The following IQCM variants were observed in gnomAD, a reference collection of about 807,000 sequenced individuals.
IQCM encodes the protein IQ domain-containing protein M.
Under a neutral mutation model 57.6 loss-of-function variants are expected in IQCM, and 45 were observed. The observed-to-expected ratio is 0.78, with a 90% CI of 0.62 to 1.00. The LOEUF is 1.00. Ranked by LOEUF, IQCM falls within the 50% of genes least tolerant of loss-of-function variation. IQCM has a pLI of 0.00. For synonymous variants in IQCM, 148 were observed against 158.9 expected (o/e 0.93, Z 0.51); for missense variants, 468 against 511.6 (o/e 0.91, Z 0.82).
chr4:149,733,634 C>T (rs935991166), intron 4 of IQCM, 126 bp from the exon 5 acceptor site: 9 of 436,396 alleles, frequency 2.1e-5, no homozygotes, highest in African/African-American at 1.6e-4. Context: ...TACAAAGTAC[C>T]TTGCTATATA....
At chr4:149,444,934 A>AT (rs1703446427) in intron 12 of IQCM, among the ~76,000 whole-genome samples, 1 of 151,958 alleles carries the variant, frequency 6.6e-6, no homozygotes, top group South Asian at 2.1e-4. Flanking sequence ...ATTAAAACAA[A>AT]GAACTACTGT....
intron 2 of IQCM, among the ~76,000 whole-genome samples, chr4:149,795,766 T>G (rs2150038755): frequency 1.3e-5 from 2 of 152,268 alleles, no homozygotes; most frequent in Non-Finnish European, 2.9e-5. Context: ...TGGTCAGAAC[T>G]GTGAGACCCC....
intron 8 of IQCM, among the ~76,000 whole-genome samples, chr4:149,619,986 G>A (rs958202123): frequency 1.2e-4 from 18 of 151,912 alleles, no homozygotes; most frequent in East Asian, 7.7e-4. Flanking sequence ...GTGAAACCCC[G>A]TCTCTACTAA....
intron 9 of IQCM, among the ~76,000 whole-genome samples, chr4:149,574,209 T>C (rs985974029): frequency 2.0e-5 from 3 of 151,984 alleles, no homozygotes; most frequent in Non-Finnish European, 2.9e-5. Flanking sequence ...TCACAGAAAT[T>C]ATTCTTTGCT....
chr4:149,602,045 A>G (rs1421756533), intron 8 of IQCM, among the ~76,000 whole-genome samples: 1 of 151,482 alleles, frequency 6.6e-6, no homozygotes, highest in Non-Finnish European at 1.5e-5. Context: ...CAAAAAAAAA[A>G]AAAAAAAAAA....
chr4:149,791,386 G>A (rs1772596442), intron 2 of IQCM, among the ~76,000 whole-genome samples: 1 of 152,080 alleles, frequency 6.6e-6, no homozygotes, highest in African/African-American at 2.4e-5. Context: ...AAGTAATTAG[G>A]AGAGCTATCT....
intron 12 of IQCM, among the ~76,000 whole-genome samples, chr4:149,453,800 A>T (rs570316319): frequency 6.6e-6 from 1 of 152,020 alleles, no homozygotes; most frequent in South Asian, 2.1e-4. Context: ...ACTTTGCATA[A>T]GAGTTTGTCG....
chr4:149,559,049 G>T (rs556690809), intron 10 of IQCM, among the ~76,000 whole-genome samples: 27 of 152,074 alleles, frequency 1.8e-4, no homozygotes, highest in Admixed American at 9.2e-4. Flanking sequence ...ACACCAGATT[G>T]CTCAAGACAA....
rs373974236 is a variant in IQCM at position 149,550,752 on chromosome 4, C to T, written c.1094-2163G>A. On this transcript the variant is annotated intron_variant, in intron 11 of 13. Coordinates refer to ENST00000636793, the MANE Select transcript of IQCM (RefSeq NM_001363507.2). Reference sequence around the variant, plus strand: ...TATCACCCAATTAGCCATCAACACACGGAAAGGATGAAGAATTTTCTAAGT... The same window carrying T: ...TATCACCCAATTAGCCATCAACACATGGAAAGGATGAAGAATTTTCTAAGT... 4.6e-5 allele frequency among the ~76,000 whole-genome samples: 7 copies of T among 152,230 alleles called. No individual in the cohort carries two copies. In the South Asian group the frequency reaches 8.3e-4, roughly 18 times the overall value.
chr4:149,442,949 C>G lies in IQCM; in HGVS notation c.1229-9392G>C, dbSNP rs1028209705. ...ATACACACACACACACACACACACA[C>G]ACACAGAGAGAGAGAGAGAGAGAGA... is the stretch of plus-strand genomic sequence containing the variant. On this transcript the variant is annotated intron_variant, in intron 12 of 13. Transcript: ENST00000636793. 2.7e-4 allele frequency among the ~76,000 whole-genome samples: 15 copies of G among 56,352 alleles called. 1 individual carries two copies. Among genetic ancestry groups the G allele is most frequent in the African/African-American group, 1.1e-3 (15 of 13,882 alleles). 37.0% of individuals were successfully genotyped at this position (56,352 alleles called of 152,430 possible).
chr4:149,571,504 G>T (rs1442335687), intron 9 of IQCM, among the ~76,000 whole-genome samples: 1 of 152,012 alleles, frequency 6.6e-6, no homozygotes, highest in Non-Finnish European at 1.5e-5. Flanking sequence ...AGGTGTTAGG[G>T]AGATGTTGGC....
intron 8 of IQCM, among the ~76,000 whole-genome samples, chr4:149,590,313 T>A (rs1753033101): frequency 7.1e-6 from 1 of 140,790 alleles, no homozygotes; most frequent in Non-Finnish European, 1.5e-5. Flanking sequence ...TTATAAGGGG[T>A]CTGGTGTTTT....
At chr4:149,812,074 C>T (rs577964843) in intron 2 of IQCM, among the ~76,000 whole-genome samples, 2 of 152,204 alleles carry the variant, frequency 1.3e-5, no homozygotes, top group African/African-American at 4.8e-5. Flanking sequence ...ACTGAAATGC[C>T]CTTTTCCAGT....
At position 149,368,782 on chromosome 4, in the gene IQCM, A is replaced by G. The variant is rs190228862; in HGVS notation, c.1391-16716T>C. ...TATATATATATATACATATATATAC[A>G]TGTATATATATACATATATATACAT... On this transcript the variant is annotated intron_variant, in intron 13 of 13. Transcript: ENST00000636793. 5.5e-3 allele frequency among the ~76,000 whole-genome samples: 613 copies of G among 111,988 alleles called. 105 individuals carry two copies. Among genetic ancestry groups the G allele is most frequent in the East Asian group, 0.025 (102 of 4,050 alleles). 73.5% of individuals were successfully genotyped at this position (111,988 alleles called of 152,430 possible).
intron 2 of IQCM, among the ~76,000 whole-genome samples, chr4:149,799,148 C>T (rs1355725865): frequency 2.0e-5 from 3 of 151,612 alleles, no homozygotes; most frequent in Admixed American, 6.6e-5. Context: ...CAAGCATCTT[C>T]TCTATCCACA....
At chr4:149,576,531 T>C (rs1261979566) in intron 9 of IQCM, among the ~76,000 whole-genome samples, 1 of 151,948 alleles carries the variant, frequency 6.6e-6, no homozygotes, top group Non-Finnish European at 1.5e-5. Flanking sequence ...CCGCTTAGGA[T>C]AATGACCTCC....
At chr4:149,794,651 A>G (rs1772952790) in intron 2 of IQCM, among the ~76,000 whole-genome samples, 1 of 152,204 alleles carries the variant, frequency 6.6e-6, no homozygotes, top group Non-Finnish European at 1.5e-5. Flanking sequence ...TAATAAAAAA[A>G]GACTTCTGTG....
chr4:149,755,221 C>T (rs562529625), intron 2 of IQCM, among the ~76,000 whole-genome samples: 2 of 152,270 alleles, frequency 1.3e-5, no homozygotes, highest in East Asian at 1.9e-4. Flanking sequence ...GACCTACTCC[C>T]AACCCAGCAA....
At chr4:149,629,650 T>C (rs1285495147) in intron 7 of IQCM, among the ~76,000 whole-genome samples, 6 of 151,946 alleles carry the variant, frequency 3.9e-5, no homozygotes, top group Admixed American at 3.9e-4. Flanking sequence ...ATTTTCCAAA[T>C]GTTTTGCAAT....
Sources: allele counts gnomAD v4.1 joint callset (sites outside exome capture counted in the v4.1 genomes callset), GRCh38; gene constraint gnomAD v4.1.1; transcripts MANE v1.5; gene names NCBI Gene and HGNC (gene_info 2026-07-23, HGNC 2026-07-21).